Variants in CDK14 observed in about 807,000 individuals in gnomAD.
CDK14 encodes cyclin dependent kinase 14, also known as cyclin-dependent kinase 14.
In CDK14, 34 loss-of-function variants were observed where a neutral mutation model predicts 60.7. The observed-to-expected ratio is 0.56, with a 90% CI of 0.43 to 0.75. The LOEUF is 0.75. CDK14 is among the 30% of genes least tolerant of loss of function. The probability of loss-of-function intolerance (pLI) is 0.00; values close to 1 mark genes in which losing one functional copy is unlikely to be tolerated. For synonymous variants in CDK14, 197 were observed against 203.7 expected (o/e 0.97, Z 0.28); for missense variants, 482 against 564.1 (o/e 0.85, Z 1.47).
rs551866844 is a variant in CDK14, at chr7:91,105,964, T to C, written c.1155-6578T>C. Among the ~76,000 whole-genome samples, 4 of 152,220 alleles carry C rather than the reference T, an allele frequency of 2.6e-5. No individual in the cohort carries two copies. In the South Asian group the frequency reaches 8.3e-4, roughly 32 times the overall value. ...ATTGAACTGAGCGATGGCTCTGAAGTAATTGCCCAGAATGGAAAACAGGGA... is the reference window on the plus strand; with the variant it reads ...ATTGAACTGAGCGATGGCTCTGAAGCAATTGCCCAGAATGGAAAACAGGGA... On this transcript the variant is annotated intron_variant, in intron 12 of 14. Transcript: ENST00000380050.
intron 12 of CDK14, among the ~76,000 whole-genome samples, chr7:91,101,670 G>A (rs1225378406): frequency 6.6e-6 from 1 of 152,040 alleles, no homozygotes; most frequent in South Asian, 2.1e-4. Context: ...TACGAGTCTT[G>A]CTTCTCATTT....
chr7:90,642,454 TTTC>T (rs1485673026), intron 2 of CDK14, among the ~76,000 whole-genome samples: 1 of 152,236 alleles, frequency 6.6e-6, no homozygotes, highest in African/African-American at 2.4e-5. Flanking sequence ...ACCTGCTAAT[TTTC>T]TTCTTTTGCT....
intron 11 of CDK14, among the ~76,000 whole-genome samples, chr7:91,064,652 C>G (rs1482031581): frequency 6.6e-6 from 1 of 152,182 alleles, no homozygotes; most frequent in Non-Finnish European, 1.5e-5. Context: ...GGCAACTCAA[C>G]CTTTCTAGCC....
intron 10 of CDK14, among the ~76,000 whole-genome samples, chr7:91,038,810 G>A (rs566563327): frequency 6.6e-6 from 1 of 151,834 alleles, no homozygotes; most frequent in Non-Finnish European, 1.5e-5. Context: ...TTAAAAAATG[G>A]GAGTTTCCCT....
chr7:90,616,947 ATAGT>A (rs1158663733), intron 2 of CDK14, among the ~76,000 whole-genome samples: 20 of 151,902 alleles, frequency 1.3e-4, no homozygotes, highest in Non-Finnish European at 2.2e-4. Flanking sequence ...TTCAGGCAAG[ATAGT>A]TAGGCATATT....
chr7:91,059,241 G>GA (rs1797696190), intron 11 of CDK14, among the ~76,000 whole-genome samples: 2 of 152,076 alleles, frequency 1.3e-5, no homozygotes, highest in Non-Finnish European at 2.9e-5. Flanking sequence ...CTGTGGGATC[G>GA]GTGGTGATAT....
At chr7:91,077,743 TACACACACACACACAC>T (rs36101608) in intron 11 of CDK14, among the ~76,000 whole-genome samples, 1 of 148,720 alleles carries the variant, frequency 6.7e-6, no homozygotes, top group Non-Finnish European at 1.5e-5. Context: ...TTCACTTTTA[TACACACACACACACAC>T]ACACACACAC....
chr7:90,731,212 A>G (rs1348581736), intron 3 of CDK14, among the ~76,000 whole-genome samples: 1 of 152,124 alleles, frequency 6.6e-6, no homozygotes, highest in Non-Finnish European at 1.5e-5. Context: ...ATTGGTCTAT[A>G]TATCTGTTTT....
At chr7:90,901,751 G>T (rs1792513542) in intron 7 of CDK14, among the ~76,000 whole-genome samples, 1 of 151,494 alleles carries the variant, frequency 6.6e-6, no homozygotes, top group African/African-American at 2.4e-5. Flanking sequence ...ATAATACTGA[G>T]AATTTTAGCC....
At chr7:90,783,294 T>C (rs1361604956) in intron 4 of CDK14, among the ~76,000 whole-genome samples, 1 of 152,214 alleles carries the variant, frequency 6.6e-6, no homozygotes, top group Non-Finnish European at 1.5e-5. Flanking sequence ...TGTTATACTA[T>C]TGTTTTATTA....
At chr7:90,684,130 A>G (rs368359240) in intron 2 of CDK14, among the ~76,000 whole-genome samples, 82 of 152,344 alleles carry the variant, frequency 5.4e-4, no homozygotes, top group African/African-American at 1.9e-3. Context: ...TCTATATTAT[A>G]TCTAAAGTAC....
intron 11 of CDK14, among the ~76,000 whole-genome samples, chr7:91,069,381 T>TAA (rs911639283): frequency 6.6e-6 from 1 of 151,894 alleles, no homozygotes; most frequent in African/African-American, 2.4e-5. Context: ...TAAAAATAGA[T>TAA]AAATACATAA....
chr7:91,098,147 T>C (rs1419580792), intron 12 of CDK14, among the ~76,000 whole-genome samples: 1 of 152,180 alleles, frequency 6.6e-6, no homozygotes, highest in African/African-American at 2.4e-5. Context: ...TCTTTCATAA[T>C]GAAAGCATAT....
At chr7:90,611,296 G>T (rs528584476) in intron 2 of CDK14, among the ~76,000 whole-genome samples, 1 of 152,268 alleles carries the variant, frequency 6.6e-6, no homozygotes, top group South Asian at 2.1e-4. Context: ...TACACTTGAC[G>T]TCAGTGTGGC....
At chr7:91,010,235 C>G (rs1308358846) in intron 10 of CDK14, among the ~76,000 whole-genome samples, 4 of 151,938 alleles carry the variant, frequency 2.6e-5, no homozygotes. Context: ...TGAAGTTTGG[C>G]TATTTTAGAT....
chr7:90,622,869 A>G (rs1272946761), intron 2 of CDK14, among the ~76,000 whole-genome samples: 3 of 148,816 alleles, frequency 2.0e-5, no homozygotes, highest in African/African-American at 4.9e-5. Flanking sequence ...CCACCCAGGG[A>G]TCCTACTTAA....
intron 2 of CDK14, among the ~76,000 whole-genome samples, chr7:90,623,948 T>C (rs1385695408): frequency 2.0e-5 from 3 of 152,240 alleles, no homozygotes; most frequent in Admixed American, 2.0e-4. Flanking sequence ...GAAACCCCTT[T>C]TCATGCTTGC....
At chr7:90,882,110 C>T (rs920967094) in intron 6 of CDK14, among the ~76,000 whole-genome samples, 6 of 151,950 alleles carry the variant, frequency 3.9e-5, no homozygotes, top group African/African-American at 1.5e-4. Flanking sequence ...TGTAAGTGGG[C>T]TAAATGCCTC....
At chr7:90,982,506 A>C (rs1229771298) in intron 9 of CDK14, among the ~76,000 whole-genome samples, 1 of 152,210 alleles carries the variant, frequency 6.6e-6, no homozygotes, top group Non-Finnish European at 1.5e-5. Context: ...TTGTGGTCAG[A>C]GATATGCAGT....
Sources: allele counts gnomAD v4.1 joint callset (sites outside exome capture counted in the v4.1 genomes callset), GRCh38; gene constraint gnomAD v4.1.1; transcripts MANE v1.5; gene names NCBI Gene and HGNC (gene_info 2026-07-23, HGNC 2026-07-21).